OPRM1: variants seen among roughly 807,000 people sequenced by gnomAD.
OPRM1 encodes opioid receptor mu 1, also known as mu-type opioid receptor.
Under a neutral mutation model 31.8 loss-of-function variants are expected in OPRM1, and 27 were observed. The observed-to-expected ratio is 0.85, with a 90% confidence interval of 0.63 to 1.17. The LOEUF (loss-of-function observed/expected upper bound fraction) is 1.17, where lower values mean the gene tolerates loss of function less well. OPRM1 is among the 50% of genes most tolerant of loss of function. The probability of loss-of-function intolerance (pLI) is 0.00; values close to 1 mark genes in which losing one functional copy is unlikely to be tolerated. For synonymous variants in OPRM1, 196 were observed against 189.9 expected (o/e 1.03, Z -0.26); for missense variants, 536 against 511.1 (o/e 1.05, Z -0.47).
exon 4 of OPRM1, chr6:154,246,751 G>C (rs201296055): frequency 1.2e-6 from 2 of 1,613,648 alleles, no homozygotes; most frequent in Admixed American, 1.7e-5. Flanking sequence ...CCGACTCATC[G>C]TGAGAAAACC....
At chr6:154,160,340 A>G (rs1746817529) in intron 3 of OPRM1, among the ~76,000 whole-genome samples, 1 of 152,160 alleles carries the variant, frequency 6.6e-6, no homozygotes, top group South Asian at 2.1e-4. Context: ...TAACAATTCT[A>G]CCTTGGTGTG....
intron 3 of OPRM1, among the ~76,000 whole-genome samples, chr6:154,164,105 T>C (rs1025960269): frequency 3.9e-4 from 59 of 152,348 alleles, no homozygotes; most frequent in African/African-American, 1.4e-3. Context: ...TTAAAGAGTT[T>C]TATTTTGTTC....
intron 3 of OPRM1, among the ~76,000 whole-genome samples, chr6:154,231,746 A>G (rs1034163246): frequency 6.6e-6 from 1 of 152,246 alleles, no homozygotes; most frequent in Non-Finnish European, 1.5e-5. Flanking sequence ...AAGAAAGAGG[A>G]TAGAGAACAG....
chr6:154,016,277 G>A lies in OPRM1; in HGVS notation c.-1+5259G>A, dbSNP rs147056343. The stretch of plus-strand genomic sequence containing the variant: ...CAAAAATAGTTTACAATTATAAAAA[G>A]CAGTGAAATATGTCTCTGCATATCA... On this transcript the variant is annotated intron_variant, in intron 1 of 5. Transcript: ENST00000434900. Among the ~76,000 whole-genome samples the A allele has an allele frequency of 1.3e-3, 200 of 152,240 alleles. 1 individual carries two copies. The highest frequency in any genetic ancestry group is 4.6e-3 in the African/African-American group (192 of 41,552).
intron 3 of OPRM1, among the ~76,000 whole-genome samples, chr6:154,236,337 C>T (rs1252252284): frequency 6.6e-6 from 1 of 152,174 alleles, no homozygotes; most frequent in African/African-American, 2.4e-5. Context: ...GAGGGAACTA[C>T]AGTAGTCAAA....
At chr6:154,093,586 G>T in intron 3 of OPRM1, 1 of 1,482,688 alleles carries the variant, frequency 6.7e-7, no homozygotes. Flanking sequence ...GTAACTAAAA[G>T]GTTTGCTTTA....
intron 1 of OPRM1, among the ~76,000 whole-genome samples, chr6:154,021,847 C>T (rs567686765): frequency 0.027 from 4,034 of 151,416 alleles, 173 homozygotes; most frequent in African/African-American, 0.094. Flanking sequence ...AGGGTTTTCT[C>T]TTTTTTTTGG....
exon 1 of OPRM1, chr6:154,010,793 A>C: frequency 1.1e-5 from 15 of 1,410,220 alleles, no homozygotes; most frequent in South Asian, 1.5e-5. Flanking sequence ...ATGTGGCAGA[A>C]CTGGGCTGCT....
intron 3 of OPRM1, among the ~76,000 whole-genome samples, chr6:154,190,468 C>T (rs1801771050): frequency 6.6e-6 from 1 of 152,074 alleles, no homozygotes; most frequent in African/African-American, 2.4e-5. Flanking sequence ...ATGTTACTAC[C>T]CACCTACTAG....
At chr6:154,029,009 C>A (rs1348468962) in intron 1 of OPRM1, among the ~76,000 whole-genome samples, 1 of 152,106 alleles carries the variant, frequency 6.6e-6, no homozygotes, top group African/African-American at 2.4e-5. Context: ...ATCAGGGGGA[C>A]AATTGCTGGA....
intron 3 of OPRM1, among the ~76,000 whole-genome samples, chr6:154,200,241 A>G (rs1776952979): frequency 6.6e-6 from 1 of 152,214 alleles, no homozygotes; most frequent in Non-Finnish European, 1.5e-5. Flanking sequence ...GATTTATGTA[A>G]CTTTAAATTC....
In OPRM1 at chr6:154,183,812, C is replaced by T. The variant is rs560188807; in HGVS notation, c.1165-62881C>T. On this transcript the variant is annotated intron_variant, in intron 3 of 3. Transcript: ENST00000337049. ...GGCTGAGGTGGGAGAATCACTTGAA[C>T]CCAGGAGGCAGAGGTTACAGTGAAC... Among the ~76,000 whole-genome samples the T allele has an allele frequency of 6.6e-5, 10 of 152,168 alleles. No individual in the cohort carries two copies. The South Asian group carries it at 8.3e-4, about 13-fold the overall frequency.
rs1459813887 is a variant in OPRM1 at position 154,167,605 on chromosome 6, T to A, written c.1164+76133T>A. 5.3e-5 allele frequency among the ~76,000 whole-genome samples: 8 copies of A among 152,370 alleles called. No homozygotes were observed. The East Asian group carries it at 1.5e-3, about 29-fold the overall frequency. On this transcript the variant is annotated intron_variant, in intron 3 of 3. Coordinates refer to the OPRM1 transcript ENST00000337049. ...CATCAACATTTATTGAACCAGGTAC[T>A]GTGCTAGGTATAAGGGTTAAAAAAC...
chr6:154,098,558 T>C (rs1793805459), intron 3 of OPRM1, among the ~76,000 whole-genome samples: 1 of 152,236 alleles, frequency 6.6e-6, no homozygotes, highest in African/African-American at 2.4e-5. Flanking sequence ...TTTTTACTTC[T>C]ACCTCTATGA....
At chr6:154,100,147 T>TATTATGA (rs1794525233) in intron 3 of OPRM1, among the ~76,000 whole-genome samples, 1 of 98,964 alleles carries the variant, frequency 1.0e-5, no homozygotes, top group African/African-American at 4.4e-5. Context: ...ATATATATTA[T>TATTATGA]CATATTATGA....
intron 1 of OPRM1, 143 bp downstream of exon 1, chr6:154,039,977 C>T (rs1180947002): frequency 1.2e-5 from 7 of 602,182 alleles, no homozygotes; most frequent in African/African-American, 1.8e-5. Context: ...AGACCACGGA[C>T]AGTGATTGTT....
intron 3 of OPRM1, among the ~76,000 whole-genome samples, chr6:154,096,512 T>C (rs1182110068): frequency 3.9e-5 from 6 of 152,166 alleles, no homozygotes; most frequent in African/African-American, 1.4e-4. Flanking sequence ...TTACTTTCAA[T>C]GGCAAAAACC....
chr6:154,039,860 C>A, intron 1 of OPRM1, 26 bp downstream of exon 1: 1 of 1,550,952 alleles, frequency 6.4e-7, no homozygotes, highest in Non-Finnish European at 8.7e-7. Context: ...GGGCTCCGAG[C>A]GGAGGGTTCA....
chr6:154,046,210 G>C (rs776460512), intron 1 of OPRM1, among the ~76,000 whole-genome samples: 5 of 152,166 alleles, frequency 3.3e-5, no homozygotes, highest in Non-Finnish European at 7.3e-5. Flanking sequence ...GCACCAGTTA[G>C]AACTACCAAG....
Sources: gnomAD v4.1 joint callset for allele counts (sites outside exome capture counted in the v4.1 genomes callset) on GRCh38, gnomAD v4.1.1 for gene constraint, MANE v1.5 for transcripts, NCBI Gene and HGNC (gene_info 2026-07-23, HGNC 2026-07-21) for gene names.